INPP5A: variants seen among roughly 807,000 people sequenced by gnomAD.
INPP5A encodes inositol polyphosphate-5-phosphatase A.
In INPP5A, 14 loss-of-function variants were observed where a neutral mutation model predicts 65.2. That is an observed-to-expected ratio of 0.21 (90% confidence interval 0.14 to 0.34). The LOEUF (loss-of-function observed/expected upper bound fraction) is 0.34, where lower values mean the gene tolerates loss of function less well. Among genes scored for constraint, INPP5A ranks in the 10% least tolerant of loss-of-function variants. The pLI is 1.00. For missense variants in INPP5A, 431 were observed against 545.6 expected, an observed-to-expected ratio of 0.79 and a Z score of 2.09; for synonymous variants, 207 against 208.3, an observed-to-expected ratio of 0.99 and a Z score of 0.05.
At position 132,704,802 on chromosome 10, in the gene INPP5A, G is replaced by GCTT. The variant is rs1845506875; in HGVS notation, c.475-3510_475-3509insTTC. Among the ~76,000 whole-genome samples, 1 of 151,776 alleles carries GCTT rather than the reference G, an allele frequency of 6.6e-6. No individual in the cohort carries two copies. The highest frequency in any genetic ancestry group is 6.6e-5 in the Admixed American group (1 of 15,236). ...CTGGAGTGTGGAGGATGGAGGAAGGGCGTCTGGACAGGCGGCAGGCAGCTC... is the reference window on the plus strand; with the variant it reads ...CTGGAGTGTGGAGGATGGAGGAAGGGCTTCGTCTGGACAGGCGGCAGGCAGCTC... On this transcript the variant is annotated intron_variant, in intron 6 of 15. Coordinates refer to ENST00000368594, the MANE Select transcript of INPP5A (RefSeq NM_005539.5). The surrounding 1 kb of genome is among the most constrained non-coding windows in gnomAD (Gnocchi z 4.5).
intron 4 of INPP5A, 94 bp from the exon 5 acceptor site, chr10:132,690,298 G>A: frequency 1.2e-6 from 1 of 831,254 alleles, no homozygotes; most frequent in Non-Finnish European, 2.0e-6. Flanking sequence ...TCTTGCTCTA[G>A]CTAGTTTAAA....
chr10:132,778,076 C>G (rs1457828086), intron 13 of INPP5A, among the ~76,000 whole-genome samples: 5 of 152,196 alleles, frequency 3.3e-5, no homozygotes, highest in Non-Finnish European at 5.9e-5. Flanking sequence ...GTTTTCAAAT[C>G]GTGGTTCATT....
intron 9 of INPP5A, among the ~76,000 whole-genome samples, chr10:132,740,497 T>A (rs1329936968): frequency 6.6e-6 from 1 of 152,206 alleles, no homozygotes; most frequent in African/African-American, 2.4e-5. Flanking sequence ...TAGAAAATGT[T>A]TATCCCCTGG....
chr10:132,720,571 A>G (rs1257452608), intron 8 of INPP5A, among the ~76,000 whole-genome samples: 1 of 133,866 alleles, frequency 7.5e-6, no homozygotes. Context: ...GTTCTGTGGT[A>G]CCTCGGTTCT....
At chr10:132,556,071 A>G (rs1325986487) in intron 1 of INPP5A, among the ~76,000 whole-genome samples, 5 of 151,820 alleles carry the variant, frequency 3.3e-5, no homozygotes, top group Admixed American at 1.3e-4. Flanking sequence ...GCCTTCACCC[A>G]GGCATCTGTC....
At chr10:132,591,116 T>C (rs1268306789) in intron 1 of INPP5A, among the ~76,000 whole-genome samples, 3 of 152,194 alleles carry the variant, frequency 2.0e-5, no homozygotes, top group African/African-American at 7.2e-5. Context: ...TCCATCAGTT[T>C]TGTTTTGTTT....
intron 1 of INPP5A, among the ~76,000 whole-genome samples, chr10:132,557,605 A>T (rs1327152613): frequency 6.6e-6 from 1 of 152,202 alleles, no homozygotes; most frequent in Non-Finnish European, 1.5e-5. Flanking sequence ...GCAGAGGGTC[A>T]TTGAGTGCTG....
At chr10:132,777,967 C>T (rs945923701) in intron 13 of INPP5A, 185 bp downstream of exon 13, 48 of 1,414,862 alleles carry the variant, frequency 3.4e-5, no homozygotes, top group Admixed American at 5.6e-5. Context: ...TGAGCCAGCA[C>T]CTGGGCTGGG....
At position 132,741,323 on chromosome 10, in the gene INPP5A, C is replaced by T. The variant is rs576558544; in HGVS notation, c.733-8194C>T. Among the ~76,000 whole-genome samples the T allele has an allele frequency of 6.6e-6, 1 of 152,344 alleles. No homozygotes were observed. Among genetic ancestry groups the T allele is most frequent in the East Asian group, 1.9e-4 (1 of 5,180 alleles). ...AGATGGGCTGGCCAGATCTCCGCAG[C>T]CTAACAGTGGGCAGCTCCGTGTCTG... On this transcript the variant is annotated intron_variant, in intron 9 of 15. Transcript: ENST00000368594. This position sits in a 1 kb window ranked among gnomAD's most constrained non-coding sequence, Gnocchi z 4.4.
chr10:132,682,538 A>C (rs1424232018), intron 4 of INPP5A, among the ~76,000 whole-genome samples: 1 of 152,258 alleles, frequency 6.6e-6, no homozygotes, highest in Non-Finnish European at 1.5e-5. Context: ...GCACTGGGCC[A>C]TGGCAAGGAT....
chr10:132,681,837 C>A lies in INPP5A; in HGVS notation c.307-8555C>A, dbSNP rs1477065684. ...CAACTGCAAAATGCGGAAGCAGTAC[C>A]ATGGAATATGACCCAACCGTAAAAA... On this transcript the variant is annotated intron_variant, in intron 4 of 15. Coordinates refer to ENST00000368594, the MANE Select transcript of INPP5A (RefSeq NM_005539.5). Among the ~76,000 whole-genome samples the A allele has an allele frequency of 2.0e-5, 3 of 152,206 alleles. No homozygotes were observed. The East Asian group carries it at 5.8e-4, about 29-fold the overall frequency.
chr10:132,579,067 G>T (rs1011865352), intron 1 of INPP5A, among the ~76,000 whole-genome samples: 25 of 152,306 alleles, frequency 1.6e-4, no homozygotes, highest in Non-Finnish European at 2.5e-4. Flanking sequence ...TGTAGGAAGG[G>T]GCCTGATGCC....
intron 9 of INPP5A, among the ~76,000 whole-genome samples, chr10:132,736,724 C>T (rs950824999): frequency 1.1e-4 from 16 of 152,232 alleles, no homozygotes; most frequent in African/African-American, 2.4e-4. Flanking sequence ...ACATTCCTGG[C>T]GCCCAGGCGT....
chr10:132,710,815 G>A (rs1455024059), intron 8 of INPP5A, among the ~76,000 whole-genome samples: 3 of 148,158 alleles, frequency 2.0e-5, no homozygotes, highest in African/African-American at 7.6e-5. Context: ...GGAGAGGTAG[G>A]TGTGCTGGGC....
At chr10:132,640,736 T>G (rs1177644303) in intron 2 of INPP5A, among the ~76,000 whole-genome samples, 1 of 152,224 alleles carries the variant, frequency 6.6e-6, no homozygotes, top group Non-Finnish European at 1.5e-5. Context: ...TTGTAGTGCC[T>G]TTTAGTTGAT....
chr10:132,636,803 G>A (rs1309898826), intron 2 of INPP5A, among the ~76,000 whole-genome samples: 1 of 152,200 alleles, frequency 6.6e-6, no homozygotes, highest in Non-Finnish European at 1.5e-5. Flanking sequence ...AATCGCCCTT[G>A]GTTCAGGCCT....
intron 12 of INPP5A, among the ~76,000 whole-genome samples, chr10:132,768,160 C>A (rs1409991892): frequency 6.8e-6 from 1 of 147,826 alleles, no homozygotes; most frequent in Non-Finnish European, 1.5e-5. Context: ...ATCCATGGAT[C>A]CCTGACCCTC....
In INPP5A at chr10:132,782,630, A is replaced by G. The variant is rs1847187539; in HGVS notation, c.*601A>G. ...AATATATATAAATATATACTTTTTA[A>G]AAATAATTTATAAATCTTACCAAAA... On this transcript the variant is annotated 3_prime_UTR_variant, in exon 16 of 16. Coordinates refer to ENST00000368594, the MANE Select transcript of INPP5A (RefSeq NM_005539.5). This position sits in a 1 kb window ranked among gnomAD's most constrained non-coding sequence, Gnocchi z 4.4. The G allele has an allele frequency of 6.6e-6, 1 of 150,982 alleles. No individual in the cohort carries two copies. The highest frequency in any genetic ancestry group is 2.4e-5 in the African/African-American group (1 of 41,176). 9.4% of individuals were successfully genotyped at this position (150,982 alleles called of 1,614,324 possible).
At chr10:132,553,652 A>T (rs1166418764) in intron 1 of INPP5A, among the ~76,000 whole-genome samples, 2 of 141,184 alleles carry the variant, frequency 1.4e-5, no homozygotes, top group Admixed American at 7.0e-5. Flanking sequence ...ATTGAGTAGG[A>T]TAGGGAGGGA....
Sources: gnomAD v4.1 joint callset for allele counts (sites outside exome capture counted in the v4.1 genomes callset) on GRCh38, gnomAD v4.1.1 for gene constraint, Gnocchi (gnomAD v3.1) non-coding constraint, MANE v1.5 for transcripts, NCBI Gene and HGNC (gene_info 2026-07-23, HGNC 2026-07-21) for gene names.